The following CRISPLD1 variants were observed in gnomAD, a reference collection of about 807,000 sequenced individuals.
CRISPLD1 encodes cysteine-rich secretory protein LCCL domain-containing 1.
In CRISPLD1, 60 loss-of-function variants were observed where a neutral mutation model predicts 77.5. The observed-to-expected ratio is 0.77, with a 90% CI of 0.63 to 0.96. CRISPLD1 has a LOEUF of 0.96. Among genes scored for constraint, CRISPLD1 ranks in the 40% least tolerant of loss-of-function variants. The pLI is 0.00. For synonymous variants in CRISPLD1, 195 were observed against 200.1 expected (o/e 0.97, Z 0.22); for missense variants, 623 against 615.8 (o/e 1.01, Z -0.12).
chr8:74,997,089 A>G (rs1252641655), intron 2 of CRISPLD1, among the ~76,000 whole-genome samples: 1 of 152,198 alleles, frequency 6.6e-6, no homozygotes, highest in Non-Finnish European at 1.5e-5. Flanking sequence ...AGCACTGGAC[A>G]GTTTCTCACA....
intron 2 of CRISPLD1, among the ~76,000 whole-genome samples, chr8:74,991,993 A>G (rs1023208130): frequency 6.6e-6 from 1 of 152,190 alleles, no homozygotes; most frequent in Non-Finnish European, 1.5e-5. Context: ...CCTTTCTAAG[A>G]CTGAATTGCT....
rs1305059877 is a variant in CRISPLD1 at position 75,009,327 on chromosome 8, G to GA, written c.259-3097dup. On this transcript the variant is annotated intron_variant, in intron 2 of 14. Coordinates refer to ENST00000262207, the MANE Select transcript of CRISPLD1 (RefSeq NM_031461.6). ...AGTCTGTCACGATGTGTCTTAACAG[G>GA]AAAAAAAAAGAAAAAAAAAAGAAGC... Among the ~76,000 whole-genome samples the GA allele has an allele frequency of 5.5e-3, 810 of 146,248 alleles. 10 individuals carry two copies. Among genetic ancestry groups the GA allele is most frequent in the African/African-American group, 0.019 (754 of 39,984 alleles).
intron 4 of CRISPLD1, 45 bp downstream of exon 4, chr8:75,013,067 A>AC: frequency 7.0e-7 from 1 of 1,420,876 alleles, no homozygotes; most frequent in Non-Finnish European, 9.3e-7. Flanking sequence ...AATTGAGTTA[A>AC]TGTAACTATG....
chr8:75,029,107 C>T (rs1356364908), intron 13 of CRISPLD1, among the ~76,000 whole-genome samples: 3 of 152,126 alleles, frequency 2.0e-5, no homozygotes, highest in Non-Finnish European at 4.4e-5. Flanking sequence ...ACTCTAAAGC[C>T]TACTGTTTGG....
intron 2 of CRISPLD1, among the ~76,000 whole-genome samples, chr8:74,990,527 A>G (rs7841231): frequency 0.44 from 66,374 of 151,628 alleles, 17,248 homozygotes; most frequent in African/African-American, 0.74. Context: ...TAAATATCCT[A>G]TGTTTGTGGC....
In CRISPLD1 at chr8:74,984,848, A is replaced by G. The variant is rs1812472024; in HGVS notation, c.-135A>G. 4.6e-5 allele frequency: 7 copies of G among 152,278 alleles called. No individual in the cohort carries two copies. The highest frequency in any genetic ancestry group is 1.7e-4 in the African/African-American group (7 of 41,420). The allele number at this position is 152,278 out of a possible 1,614,324, so 9.4% of individuals were successfully genotyped here. Reference sequence around the variant, plus strand: ...GGCTCTCCGTCTGCGGTCCCTTGTGAAGGCTCTGGGCGGCTGCAGAGGCCG... The same window carrying G: ...GGCTCTCCGTCTGCGGTCCCTTGTGGAGGCTCTGGGCGGCTGCAGAGGCCG... On this transcript the variant is annotated 5_prime_UTR_variant, in exon 1 of 15. Coordinates refer to ENST00000262207, the MANE Select transcript of CRISPLD1 (RefSeq NM_031461.6).
At chr8:74,997,899 A>G (rs1812670023) in intron 2 of CRISPLD1, among the ~76,000 whole-genome samples, 1 of 152,232 alleles carries the variant, frequency 6.6e-6, no homozygotes, top group Admixed American at 6.5e-5. Context: ...AAGTCTTGTT[A>G]AGCAGATAAG....
chr8:74,984,974 A>G (rs975247928), intron 1 of CRISPLD1, 54 bp downstream of exon 1: 23 of 148,468 alleles, frequency 1.5e-4, no homozygotes, highest in African/African-American at 4.5e-4. Flanking sequence ...ACCCTTTCCT[A>G]TCTCCCTTTG....
rs1040959749 is a variant in CRISPLD1, at chr8:75,034,315, G to C, written c.*2073G>C. On this transcript the variant is annotated 3_prime_UTR_variant, in exon 15 of 15. Transcript: ENST00000262207. ...AATGGAACAAATAATATCTCCTTAA[G>C]ATTGCTCTACGAATTAATTGACACA... is the stretch of plus-strand genomic sequence containing the variant. 10 of 152,008 alleles carry C rather than the reference G, an allele frequency of 6.6e-5. No homozygotes were observed. The highest frequency in any genetic ancestry group is 2.2e-4 in the African/African-American group (9 of 41,418). The allele number at this position is 152,008 out of a possible 1,614,324, so 9.4% of individuals were successfully genotyped here. A position where few individuals can be genotyped will look rare whatever the true frequency, so the allele number is the denominator to read the frequency against.
At chr8:75,000,190 A>G (rs988262295) in intron 2 of CRISPLD1, 5 of 985,182 alleles carry the variant, frequency 5.1e-6, no homozygotes, top group Non-Finnish European at 6.0e-6. Flanking sequence ...GCTGCTGGTA[A>G]TAAAACATGA....
intron 2 of CRISPLD1, among the ~76,000 whole-genome samples, chr8:75,006,388 A>G (rs976556970): frequency 9.2e-5 from 14 of 152,142 alleles, no homozygotes; most frequent in African/African-American, 3.4e-4. Context: ...TATCTATACT[A>G]TGTAAAATTT....
chr8:74,992,649 G>T (rs1283650214), intron 2 of CRISPLD1, among the ~76,000 whole-genome samples: 2 of 152,118 alleles, frequency 1.3e-5, no homozygotes, highest in Non-Finnish European at 2.9e-5. Flanking sequence ...ACCCTCTACT[G>T]GGGGGTTGAT....
intron 2 of CRISPLD1, among the ~76,000 whole-genome samples, chr8:74,996,745 A>T (rs1305988547): frequency 9.6e-6 from 1 of 104,310 alleles, no homozygotes. Context: ...TTGAGATAGG[A>T]TCTTGCTCTG....
At chr8:75,026,154 A>C (rs895050375) in intron 13 of CRISPLD1, among the ~76,000 whole-genome samples, 1 of 152,080 alleles carries the variant, frequency 6.6e-6, no homozygotes, top group Admixed American at 6.5e-5. Context: ...GCATGATCAT[A>C]TCTCAGTTTA....
chr8:75,021,240 A>G (rs1403695510), intron 12 of CRISPLD1, among the ~76,000 whole-genome samples: 2 of 152,234 alleles, frequency 1.3e-5, no homozygotes, highest in East Asian at 3.8e-4. Context: ...CACAAGGTAT[A>G]TAACGGAATC....
At chr8:75,014,183 A>AT (rs1253345619) in intron 5 of CRISPLD1, 81 bp downstream of exon 5, 1 of 878,068 alleles carries the variant, frequency 1.1e-6, no homozygotes, top group Non-Finnish European at 1.9e-6. Flanking sequence ...ATTGTTCCCC[A>AT]TTTTCAGTGT....
chr8:74,999,739 CTA>C (rs1322264764), intron 2 of CRISPLD1, among the ~76,000 whole-genome samples: 1 of 150,998 alleles, frequency 6.6e-6, no homozygotes, highest in East Asian at 1.9e-4. Flanking sequence ...GTAACTGTAA[CTA>C]TTAAGGCAGG....
chr8:74,985,786 A>G, intron 1 of CRISPLD1, 140 bp from the exon 2 acceptor site: 1 of 645,818 alleles, frequency 1.5e-6, no homozygotes, highest in Non-Finnish European at 2.7e-6. Context: ...AGTTATTTCA[A>G]AATGTGAGTG....
At chr8:75,032,158 AATATACTTTTC>A in intron 14 of CRISPLD1, 22 bp from the exon 15 acceptor site, 3 of 1,456,070 alleles carry the variant, frequency 2.1e-6, no homozygotes, top group Non-Finnish European at 2.9e-6. Context: ...AGATGACATC[AATATACTTTTC>A]ATATATTTTT....
Sources: gnomAD v4.1 joint callset for allele counts (sites outside exome capture counted in the v4.1 genomes callset) on GRCh38, gnomAD v4.1.1 for gene constraint, MANE v1.5 for transcripts, NCBI Gene and HGNC (gene_info 2026-07-23, HGNC 2026-07-21) for gene names.